The following DOCK1 variants were observed in gnomAD, a reference collection of about 807,000 sequenced individuals.
The protein encoded by DOCK1 is dedicator of cytokinesis 1, also known as dedicator of cytokinesis protein 1.
In DOCK1, 138 loss-of-function variants were observed where a neutral mutation model predicts 262.7. The ratio of observed to expected loss-of-function variants is 0.53; its 90% CI spans 0.46 to 0.61. The LOEUF (loss-of-function observed/expected upper bound fraction) is 0.61. DOCK1 is among the 20% of genes least tolerant of loss of function. The pLI is 0.00. For missense variants in DOCK1, 1,908 were observed against 2,370.7 expected, an observed-to-expected ratio of 0.80 and a Z score of 4.05; for synonymous variants, 866 against 867.4, an observed-to-expected ratio of 1.00 and a Z score of 0.03.
At chr10:127,070,192 A>C (rs1009039102) in intron 23 of DOCK1, among the ~76,000 whole-genome samples, 1 of 151,770 alleles carries the variant, frequency 6.6e-6, no homozygotes, top group Non-Finnish European at 1.5e-5. Context: ...ATTATATCTG[A>C]AAAAAGACTG....
At position 127,437,940 on chromosome 10, in the gene DOCK1, C is replaced by T. The variant is rs951543680; in HGVS notation, c.5061-1087C>T. Among the ~76,000 whole-genome samples the T allele has an allele frequency of 1.3e-5, 2 of 152,188 alleles. No homozygotes were observed. The highest frequency in any genetic ancestry group is 4.1e-4 in the South Asian group (2 of 4,834). On this transcript the variant is annotated intron_variant, in intron 48 of 51. Coordinates refer to ENST00000623213, the MANE Select transcript of DOCK1 (RefSeq NM_001290223.2). The surrounding 1 kb of genome is among the most constrained non-coding windows in gnomAD (Gnocchi z 4.4). ...TGAAGAAGCCAATTGCTTCTCCAGGCGGTCAAGGAAGTCAGGTTTGGAAGT... is the reference window on the plus strand; with the variant it reads ...TGAAGAAGCCAATTGCTTCTCCAGGTGGTCAAGGAAGTCAGGTTTGGAAGT...
rs543892121 is a variant in DOCK1, at chr10:127,446,983, G to T, written c.5414-411G>T. 6.6e-6 allele frequency among the ~76,000 whole-genome samples: 1 copy of T among 152,142 alleles called. No individual in the cohort carries two copies. Among genetic ancestry groups the T allele is most frequent in the Non-Finnish European group, 1.5e-5 (1 of 68,028 alleles). On this transcript the variant is annotated intron_variant, in intron 50 of 51. Transcript: ENST00000623213. This position sits in a 1 kb window ranked among gnomAD's most constrained non-coding sequence, Gnocchi z 4.4. Reference sequence around the variant, plus strand: ...ATCTCTCCAGGTGATAACTGCAGGGGTGACTGCAGGGGCCTGGCTTGGCTT... The same window carrying T: ...ATCTCTCCAGGTGATAACTGCAGGGTTGACTGCAGGGGCCTGGCTTGGCTT...
chr10:127,128,935 G>A (rs10829431), intron 27 of DOCK1, among the ~76,000 whole-genome samples: 10,284 of 152,186 alleles, frequency 0.068, 702 homozygotes, highest in African/African-American at 0.18. Context: ...TCCAAAAAAT[G>A]ACTTGAAAGG....
At chr10:126,940,669 G>A (rs1332278049) in intron 1 of DOCK1, among the ~76,000 whole-genome samples, 2 of 152,190 alleles carry the variant, frequency 1.3e-5, no homozygotes, top group African/African-American at 2.4e-5. Context: ...CTCCCAAAGT[G>A]CTGGGATTAT....
At chr10:127,373,484 AT>A (rs11387275) in intron 33 of DOCK1, among the ~76,000 whole-genome samples, 229 of 151,216 alleles carry the variant, frequency 1.5e-3, no homozygotes, top group Middle Eastern at 6.8e-3. Flanking sequence ...CTGCGCTTTG[AT>A]TTTTTTTTCC....
chr10:127,096,148 C>T (rs1003922869), intron 23 of DOCK1, among the ~76,000 whole-genome samples: 3 of 152,294 alleles, frequency 2.0e-5, no homozygotes, highest in South Asian at 2.1e-4. Context: ...TTGTTGCCAT[C>T]GTCTTTCTTT....
At chr10:126,944,241 G>C (rs1322830642) in intron 1 of DOCK1, among the ~76,000 whole-genome samples, 6 of 151,926 alleles carry the variant, frequency 3.9e-5, no homozygotes, top group Admixed American at 2.0e-4. Context: ...CTGGATGCAG[G>C]GGCTGCTGGT....
intron 19 of DOCK1, among the ~76,000 whole-genome samples, chr10:127,042,089 A>G (rs898293482): frequency 6.6e-6 from 1 of 152,178 alleles, no homozygotes; most frequent in Admixed American, 6.5e-5. Flanking sequence ...TAATTTCGAC[A>G]TTGTTGTTGA....
intron 23 of DOCK1, among the ~76,000 whole-genome samples, chr10:127,069,866 A>T (rs1476590508): frequency 6.6e-6 from 1 of 152,188 alleles, no homozygotes; most frequent in Non-Finnish European, 1.5e-5. Flanking sequence ...AGTTGCTCTA[A>T]CAAAATACTA....
chr10:127,418,388 T>G lies in DOCK1; in HGVS notation c.4539T>G (p.Asn1513Lys), dbSNP rs762807328. ...VFMVEISPLE[N>K]AIETMQLTND... Reference sequence around the variant, plus strand: ...AGGTGGAAATCAGCCCCCTGGAGAATGCCATTGAGACCATGCAGCTGACGA... The same window carrying G: ...AGGTGGAAATCAGCCCCCTGGAGAAGGCCATTGAGACCATGCAGCTGACGA... Residue 1513 changes from asparagine to lysine, a missense_variant, in exon 45 of 52, where the codon AAT becomes AAG. By Grantham distance (94) the Asn-to-Lys change is moderately conservative (BLOSUM62 0). This residue lies in a region of DOCK1 where 57 missense variants were observed against 103.1 expected (regional missense o/e 0.55). Transcript: ENST00000623213. The G allele has an allele frequency of 6.2e-7, 1 of 1,612,276 alleles. No individual in the cohort carries two copies. The highest frequency in any genetic ancestry group is 1.7e-5 in the Admixed American group (1 of 59,842).
At chr10:127,303,104 G>T (rs1004366843) in intron 29 of DOCK1, among the ~76,000 whole-genome samples, 1 of 152,140 alleles carries the variant, frequency 6.6e-6, no homozygotes, top group African/African-American at 2.4e-5. Context: ...ATTGCAATAG[G>T]TGTCAAGATT....
intron 31 of DOCK1, among the ~76,000 whole-genome samples, chr10:127,349,512 T>C (rs2063787693): frequency 6.6e-6 from 1 of 152,160 alleles, no homozygotes; most frequent in African/African-American, 2.4e-5. Context: ...CACTCTATTC[T>C]CTTTCCTTAG....
chr10:127,362,513 C>A (rs75775031), intron 33 of DOCK1, among the ~76,000 whole-genome samples: 1,923 of 152,308 alleles, frequency 0.013, 46 homozygotes, highest in African/African-American at 0.044. Context: ...TTGGTACGTG[C>A]TCTTGTAGAG....
At chr10:127,233,863 A>G (rs1197397482) in intron 27 of DOCK1, among the ~76,000 whole-genome samples, 1 of 152,228 alleles carries the variant, frequency 6.6e-6, no homozygotes, top group Non-Finnish European at 1.5e-5. Flanking sequence ...TAAAAATGTA[A>G]CAGCATCCAT....
chr10:126,951,028 G>C (rs1253833851), intron 1 of DOCK1, among the ~76,000 whole-genome samples: 1 of 151,984 alleles, frequency 6.6e-6, no homozygotes, highest in Admixed American at 6.6e-5. Flanking sequence ...TGGTAGTATT[G>C]TTGGTAGTAG....
intron 27 of DOCK1, among the ~76,000 whole-genome samples, chr10:127,211,082 T>C (rs1564906390): frequency 6.6e-6 from 1 of 152,212 alleles, no homozygotes. Context: ...CTGGGTACGA[T>C]GTTGTGCAGC....
At chr10:127,389,146 C>G (rs1590839223) in intron 38 of DOCK1, among the ~76,000 whole-genome samples, 1 of 152,164 alleles carries the variant, frequency 6.6e-6, no homozygotes, top group Non-Finnish European at 1.5e-5. Flanking sequence ...GGGCTCCTGA[C>G]CCCCGTGACT....
intron 29 of DOCK1, among the ~76,000 whole-genome samples, chr10:127,315,554 T>G (rs2062239373): frequency 6.6e-6 from 1 of 152,150 alleles, no homozygotes; most frequent in South Asian, 2.1e-4. Context: ...CCTCCAGAAC[T>G]GTGTGAAAAG....
intron 27 of DOCK1, among the ~76,000 whole-genome samples, chr10:127,221,690 A>C (rs1351212453): frequency 6.6e-6 from 1 of 152,200 alleles, no homozygotes; most frequent in Non-Finnish European, 1.5e-5. Flanking sequence ...CTTTGTTTTG[A>C]GGTGTCACTC....
Sources: gnomAD v4.1 joint callset for allele counts (sites outside exome capture counted in the v4.1 genomes callset) on GRCh38, gnomAD v4.1.1 for gene constraint, gnomAD v4.1.1 regional missense constraint, Gnocchi (gnomAD v3.1) non-coding constraint, MANE v1.5 for transcripts, NCBI Gene and HGNC (gene_info 2026-07-23, HGNC 2026-07-21) for gene names.